The following IFT43 variants were observed in gnomAD, a reference collection of about 807,000 sequenced individuals.
IFT43 encodes intraflagellar transport 43.
Under a neutral mutation model 32.3 loss-of-function variants are expected in IFT43, and 33 were observed. That is an observed-to-expected ratio of 1.02 (90% confidence interval 0.77 to 1.37). IFT43 has a LOEUF of 1.37. Among genes scored for constraint, IFT43 ranks in the 40% most tolerant of loss-of-function variants. The pLI is 0.00. For synonymous variants in IFT43, 93 were observed against 98.2 expected, an observed-to-expected ratio of 0.95 and a Z score of 0.31; for missense variants, 274 against 265.9, an observed-to-expected ratio of 1.03 and a Z score of -0.21.
At chr14:76,022,205 C>G in intron 2 of IFT43, 122 bp from the exon 3 acceptor site, 1 of 792,330 alleles carries the variant, frequency 1.3e-6, no homozygotes, top group African/African-American at 1.7e-5. Flanking sequence ...GAGCTGAGGT[C>G]GCACCACTGC....
At chr14:75,989,192 T>A (rs1348506884) in intron 2 of IFT43, among the ~76,000 whole-genome samples, 1 of 152,214 alleles carries the variant, frequency 6.6e-6, no homozygotes, top group Non-Finnish European at 1.5e-5. Context: ...GTGCATTTCC[T>A]TATATTCTTA....
intron 2 of IFT43, among the ~76,000 whole-genome samples, chr14:75,995,032 AATC>A (rs539810020): frequency 1.6e-3 from 238 of 152,298 alleles, no homozygotes; most frequent in Non-Finnish European, 2.6e-3. Flanking sequence ...TCCTTTTAAT[AATC>A]ATCATCATAG....
intron 2 of IFT43, among the ~76,000 whole-genome samples, chr14:75,998,997 A>C (rs368054253): frequency 3.3e-5 from 5 of 151,998 alleles, no homozygotes; most frequent in Admixed American, 3.3e-4. Flanking sequence ...GGCCTCCCAA[A>C]GCTCTAGGAT....
chr14:76,042,567 G>A (rs151033577), intron 3 of IFT43, among the ~76,000 whole-genome samples: 1 of 152,364 alleles, frequency 6.6e-6, no homozygotes, highest in Non-Finnish European at 1.5e-5. Flanking sequence ...CTGCAGAGTT[G>A]TGCTCCAGCC....
At chr14:76,003,486 C>T (rs913099410) in intron 2 of IFT43, among the ~76,000 whole-genome samples, 2 of 151,814 alleles carry the variant, frequency 1.3e-5, no homozygotes, top group Non-Finnish European at 2.9e-5. Context: ...ATTAGCTGGG[C>T]GTGGTGACAC....
At chr14:76,064,423 C>T (rs1235570235) in intron 5 of IFT43, among the ~76,000 whole-genome samples, 2 of 152,182 alleles carry the variant, frequency 1.3e-5, no homozygotes, top group Non-Finnish European at 2.9e-5. Flanking sequence ...AGAGGTTGTA[C>T]CCAAGGACTG....
At chr14:76,058,945 G>A in intron 4 of IFT43, 4 of 1,439,994 alleles carry the variant, frequency 2.8e-6, no homozygotes, top group Non-Finnish European at 3.6e-6. Flanking sequence ...CATGCCTTCT[G>A]CATTATTGAT....
downstream of IFT43, chr14:76,083,821 G>A (rs1392604405): frequency 1.5e-6 from 1 of 645,990 alleles, no homozygotes; most frequent in Non-Finnish European, 2.8e-6. Flanking sequence ...CAGCTGATAG[G>A]AACTCAGAAC....
rs181453827 is a variant in IFT43 at position 76,032,592 on chromosome 14, A to G, written c.215+10198A>G. Among the ~76,000 whole-genome samples, 14 of 152,308 alleles carry G rather than the reference A, an allele frequency of 9.2e-5. No homozygotes were observed. In the East Asian group the frequency reaches 2.5e-3, roughly 27 times the overall value. ...TTCTATCTGCTGCAATGTAAGCTCT[A>G]TGAGAGGAGACACACTCTCTTATTT... is the stretch of plus-strand genomic sequence containing the variant. On this transcript the variant is annotated intron_variant, in intron 3 of 8. Coordinates refer to ENST00000314067, the MANE Select transcript of IFT43 (RefSeq NM_001102564.3).
At chr14:76,046,576 A>G (rs147098983) in intron 3 of IFT43, among the ~76,000 whole-genome samples, 141 of 152,318 alleles carry the variant, frequency 9.3e-4, no homozygotes, top group African/African-American at 3.3e-3. Context: ...CACAGGGAAG[A>G]GACTGGATGA....
chr14:76,022,724 G>T, intron 3 of IFT43: 2 of 193,112 alleles, frequency 1.0e-5, no homozygotes, highest in East Asian at 1.3e-4. Flanking sequence ...GCATATTCTG[G>T]ACATTTCATG....
At chr14:76,047,999 G>T (rs1264080244) in intron 3 of IFT43, among the ~76,000 whole-genome samples, 1 of 152,088 alleles carries the variant, frequency 6.6e-6, no homozygotes, top group Non-Finnish European at 1.5e-5. Flanking sequence ...ATGAGAACTA[G>T]GGAGGTTAAG....
chr14:76,070,230 CCT>C (rs555774830), intron 5 of IFT43, among the ~76,000 whole-genome samples: 80 of 152,312 alleles, frequency 5.3e-4, no homozygotes, highest in African/African-American at 1.9e-3. Context: ...CTGTCGTCCC[CCT>C]GTCTCTCCCT....
intron 5 of IFT43, among the ~76,000 whole-genome samples, chr14:76,070,434 G>A (rs1320572309): frequency 6.6e-6 from 1 of 152,168 alleles, no homozygotes; most frequent in Admixed American, 6.5e-5. Context: ...AACCCTGATG[G>A]CTCAACTCCA....
chr14:76,066,499 A>G (rs1194695988), intron 5 of IFT43, among the ~76,000 whole-genome samples: 1 of 152,250 alleles, frequency 6.6e-6, no homozygotes, highest in Non-Finnish European at 1.5e-5. Flanking sequence ...AGTAGGAATC[A>G]TATGTTACAT....
intron 2 of IFT43, among the ~76,000 whole-genome samples, chr14:75,996,387 G>T (rs184551445): frequency 2.6e-5 from 4 of 152,292 alleles, no homozygotes; most frequent in African/African-American, 7.2e-5. Flanking sequence ...TTGTTGGAGG[G>T]TTAAATAAAA....
intron 5 of IFT43, among the ~76,000 whole-genome samples, chr14:76,079,249 T>C (rs1250668470): frequency 1.3e-5 from 2 of 152,188 alleles, no homozygotes; most frequent in Non-Finnish European, 2.9e-5. Flanking sequence ...GCCTCAGTGT[T>C]CTCTTCTGAA....
intron 1 of IFT43, among the ~76,000 whole-genome samples, chr14:75,988,628 C>T (rs2035576374): frequency 6.6e-6 from 1 of 152,176 alleles, no homozygotes; most frequent in African/African-American, 2.4e-5. Flanking sequence ...AAGCGATTCT[C>T]CCGCCTCAGC....
intron 5 of IFT43, among the ~76,000 whole-genome samples, chr14:76,065,602 A>G (rs192726403): frequency 5.8e-4 from 86 of 147,652 alleles, no homozygotes; most frequent in Non-Finnish European, 9.5e-4. Flanking sequence ...ATAAGTATTT[A>G]CTCTTTTGCA....
Sources: gnomAD v4.1 joint callset for allele counts (sites outside exome capture counted in the v4.1 genomes callset) on GRCh38, gnomAD v4.1.1 for gene constraint, MANE v1.5 for transcripts, NCBI Gene and HGNC (gene_info 2026-07-23, HGNC 2026-07-21) for gene names.